The following LINGO2 variants were observed in gnomAD, a reference collection of about 807,000 sequenced individuals.
LINGO2 encodes the protein leucine rich repeat and Ig domain containing 2.
Under a neutral mutation model 30.6 loss-of-function variants are expected in LINGO2, and 14 were observed. That is an observed-to-expected ratio of 0.46 (90% confidence interval 0.30 to 0.72). The LOEUF (loss-of-function observed/expected upper bound fraction) is 0.72. Ranked by LOEUF, LINGO2 falls within the 30% of genes least tolerant of loss-of-function variation. The pLI is 0.07. For missense variants in LINGO2, 729 were observed against 751.7 expected, an observed-to-expected ratio of 0.97 and a Z score of 0.35; for synonymous variants, 317 against 288.5, an observed-to-expected ratio of 1.10 and a Z score of -1.00.
At chr9:28,611,104 A>G (rs1274012114) in intron 1 of LINGO2, among the ~76,000 whole-genome samples, 1 of 152,158 alleles carries the variant, frequency 6.6e-6, no homozygotes, top group East Asian at 1.9e-4. Context: ...GATGTGATCA[A>G]AGGTGTTTTT....
At chr9:28,643,342 A>G (rs562488882) in intron 1 of LINGO2, among the ~76,000 whole-genome samples, 1 of 152,208 alleles carries the variant, frequency 6.6e-6, no homozygotes, top group Non-Finnish European at 1.5e-5. Context: ...AAAAACAGAC[A>G]CATAGACCAA....
chr9:28,544,602 T>A lies in LINGO2; in HGVS notation c.-364-68577A>T, dbSNP rs1821849523. 2.0e-5 allele frequency among the ~76,000 whole-genome samples: 3 copies of A among 151,696 alleles called. No individual in the cohort carries two copies. In the South Asian group the frequency reaches 6.3e-4, roughly 32 times the overall value. On this transcript the variant is annotated intron_variant, in intron 1 of 5. Transcript: ENST00000379992. ...GCATTCCCACCCATGTTAGTATCTT[T>A]CTCTTTCTTTCTCTCTGTTAAAAAG...
chr9:28,248,647 T>A (rs1051853423), intron 4 of LINGO2, among the ~76,000 whole-genome samples: 1 of 152,156 alleles, frequency 6.6e-6, no homozygotes, highest in Non-Finnish European at 1.5e-5. Flanking sequence ...AAAAGATAAA[T>A]GCTTGAGGGA....
At position 28,550,031 on chromosome 9, in the gene LINGO2, A is replaced by G. The variant is rs776420545; in HGVS notation, c.-364-74006T>C. ...TTGCCATTCATTTTTAGATAATCCT[A>G]TGATTGCTGTTAAAAGTATCTATCT... is the stretch of plus-strand genomic sequence containing the variant. On this transcript the variant is annotated intron_variant, in intron 1 of 5. Transcript: ENST00000379992. Among the ~76,000 whole-genome samples the G allele has an allele frequency of 3.3e-5, 5 of 152,022 alleles. No homozygotes were observed. In the South Asian group the frequency reaches 8.3e-4, roughly 25 times the overall value.
intron 4 of LINGO2, among the ~76,000 whole-genome samples, chr9:28,269,462 A>G (rs951815047): frequency 1.3e-5 from 2 of 152,166 alleles, no homozygotes; most frequent in Non-Finnish European, 2.9e-5. Flanking sequence ...TAAATGTCAC[A>G]TTATAAACGA....
At chr9:28,839,745 G>A in the LINGO2 span, among the ~76,000 whole-genome samples, 1 of 152,184 alleles carries the variant, frequency 6.6e-6, no homozygotes, top group Non-Finnish European at 1.5e-5. Context: ...GTCTGCGTAC[G>A]TGGCAGTCCG....
chr9:28,068,869 A>C (rs1282617776), intron 4 of LINGO2, among the ~76,000 whole-genome samples: 1 of 152,132 alleles, frequency 6.6e-6, no homozygotes, highest in African/African-American at 2.4e-5. Flanking sequence ...TTCATGCAAA[A>C]TTTTGACAGA....
intron 2 of LINGO2, among the ~76,000 whole-genome samples, chr9:28,411,166 T>C (rs1292186548): frequency 6.7e-6 from 1 of 150,198 alleles, no homozygotes; most frequent in Non-Finnish European, 1.5e-5. Flanking sequence ...GATTTTTTTT[T>C]AACAGGCATA....
chr9:27,971,140 C>T (rs1820331775), intron 5 of LINGO2, among the ~76,000 whole-genome samples: 1 of 151,824 alleles, frequency 6.6e-6, no homozygotes, highest in Non-Finnish European at 1.5e-5. Context: ...ACATGCTGTA[C>T]CTGTATTTTT....
At chr9:28,933,528 C>CAT in the LINGO2 span, among the ~76,000 whole-genome samples, 112,292 of 151,728 alleles carry the variant, frequency 0.74, 41,686 homozygotes, top group Non-Finnish European at 0.78. Context: ...GAATATATCA[C>CAT]GAGGCAGAAA....
intron 4 of LINGO2, among the ~76,000 whole-genome samples, chr9:28,049,372 C>T (rs1824566973): frequency 6.6e-6 from 1 of 150,754 alleles, no homozygotes; most frequent in Non-Finnish European, 1.5e-5. Context: ...TTAGAACCCC[C>T]AAGGTGGTAT....
At chr9:29,199,728 A>G in the LINGO2 span, among the ~76,000 whole-genome samples, 5 of 152,204 alleles carry the variant, frequency 3.3e-5, no homozygotes, top group African/African-American at 1.2e-4. Context: ...GTAATTGCTG[A>G]ACATTTTATT....
intron 5 of LINGO2, among the ~76,000 whole-genome samples, chr9:27,991,848 T>C (rs1204603074): frequency 6.6e-6 from 1 of 152,122 alleles, no homozygotes; most frequent in Non-Finnish European, 1.5e-5. Flanking sequence ...TAAAATATTA[T>C]ATGTTTCAGT....
intron 1 of LINGO2, among the ~76,000 whole-genome samples, chr9:28,479,893 A>ATG (rs1825873403): frequency 4.8e-5 from 4 of 84,112 alleles, no homozygotes; most frequent in African/African-American, 1.7e-4. Context: ...GTATGTGTGT[A>ATG]TGTGTATATA....
intron 1 of LINGO2, among the ~76,000 whole-genome samples, chr9:28,554,348 C>T (rs993717440): frequency 1.4e-5 from 2 of 147,820 alleles, no homozygotes; most frequent in Admixed American, 1.4e-4. Context: ...GGGTTGCAAT[C>T]CTAGTCTCTG....
At position 28,557,549 on chromosome 9, in the gene LINGO2, C is replaced by G. The variant is rs376876986; in HGVS notation, c.-364-81524G>C. Among the ~76,000 whole-genome samples, 919 of 151,872 alleles carry G rather than the reference C, an allele frequency of 6.1e-3. 8 individuals are homozygous for G. The highest frequency in any genetic ancestry group is 0.016 in the South Asian group (75 of 4,802). ...TAGGAACACTTTTACACTGTTGGTG[C>G]GACTGTAAACTAGTTCAACCATTGT... On this transcript the variant is annotated intron_variant, in intron 1 of 5. Coordinates refer to ENST00000379992, the Ensembl canonical transcript of LINGO2.
chr9:29,069,947 G>GCCAA, the LINGO2 span, among the ~76,000 whole-genome samples: 7 of 151,988 alleles, frequency 4.6e-5, no homozygotes, highest in East Asian at 1.4e-3. Context: ...AAAACAGCCA[G>GCCAA]GCGGGATAGT....
chr9:28,807,754 G>A, the LINGO2 span, among the ~76,000 whole-genome samples: 2 of 152,116 alleles, frequency 1.3e-5, no homozygotes, highest in Non-Finnish European at 2.9e-5. Flanking sequence ...TATAATCATT[G>A]TGTAAAATGA....
chr9:28,242,876 C>T (rs569187960), intron 4 of LINGO2, among the ~76,000 whole-genome samples: 14 of 152,230 alleles, frequency 9.2e-5, no homozygotes, highest in African/African-American at 3.4e-4. Context: ...CCAAACTAAG[C>T]TTCATAAGTG....
Sources: allele counts gnomAD v4.1 joint callset (sites outside exome capture counted in the v4.1 genomes callset), GRCh38; gene constraint gnomAD v4.1.1; transcripts MANE v1.5; gene names NCBI Gene and HGNC (gene_info 2026-07-23, HGNC 2026-07-21).